The following RPS6KA2 variants were observed in gnomAD, a reference collection of about 807,000 sequenced individuals.
The protein encoded by RPS6KA2 is ribosomal protein S6 kinase alpha-2.
RPS6KA2 carries 42 observed loss-of-function variants against 91.8 expected under a neutral mutation model. That is an observed-to-expected ratio of 0.46 (90% CI 0.36 to 0.59). The LOEUF is 0.59. Ranked by LOEUF, RPS6KA2 falls within the 20% of genes least tolerant of loss-of-function variation. The probability of loss-of-function intolerance (pLI) is 0.00; values close to 1 mark genes in which losing one functional copy is unlikely to be tolerated. For missense variants in RPS6KA2, 798 were observed against 978.5 expected (o/e 0.82, Z 2.46); for synonymous variants, 414 against 393.6 (o/e 1.05, Z -0.61).
In RPS6KA2 at chr6:166,770,518, G is replaced by A. The variant is rs547260906; in HGVS notation, c.123+87682C>T. 2.0e-5 allele frequency among the ~76,000 whole-genome samples: 3 copies of A among 152,280 alleles called. No individual in the cohort carries two copies. Among genetic ancestry groups the A allele is most frequent in the East Asian group, 3.9e-4 (2 of 5,188 alleles). On this transcript the variant is annotated intron_variant, in intron 2 of 21. Transcript: ENST00000503859. The surrounding 1 kb of genome is among the most constrained non-coding windows in gnomAD (Gnocchi z 5.1). ...TTTCAGCTTATTTTGAAGGCACGTC[G>A]TAGTTTTAAAAGGAATATTGGACAT...
chr6:166,487,087 C>T (rs1460433007), intron 10 of RPS6KA2, among the ~76,000 whole-genome samples: 6 of 152,200 alleles, frequency 3.9e-5, no homozygotes, highest in South Asian at 2.1e-4. Context: ...CGGCAAACAC[C>T]GTTTATTTGT....
chr6:166,733,244 A>G lies in RPS6KA2; in HGVS notation c.123+124956T>C, dbSNP rs1027833508. 6.6e-6 allele frequency among the ~76,000 whole-genome samples: 1 copy of G among 152,238 alleles called. No homozygotes were observed. The highest frequency in any genetic ancestry group is 1.5e-5 in the Non-Finnish European group (1 of 68,046). ...AAGCCTAATAGCCTTAGGCTGCAAG[A>G]GTCCTGTGGACGGCACTGTTCCCAA... On this transcript the variant is annotated intron_variant, in intron 2 of 21. Transcript: ENST00000503859. The surrounding 1 kb of genome is among the most constrained non-coding windows in gnomAD (Gnocchi z 4.1).
At chr6:166,416,145 C>T (rs201114580) in intron 19 of RPS6KA2, among the ~76,000 whole-genome samples, 2,572 of 126,816 alleles carry the variant, frequency 0.02, no homozygotes, top group Non-Finnish European at 0.021. Flanking sequence ...CCATCACCCT[C>T]ACCATCATCT....
rs771775967 is a variant in RPS6KA2, at chr6:166,546,893, G to A, written c.100-8109C>T. On this transcript the variant is annotated intron_variant, in intron 1 of 20. Coordinates refer to ENST00000265678, the MANE Select transcript of RPS6KA2 (RefSeq NM_021135.6). Reference sequence around the variant, plus strand: ...TGTAAAGAAAACGCACATCCCAAGAGTGCCCAGCTGTTGGGAACGCTGAGC... The same window carrying A: ...TGTAAAGAAAACGCACATCCCAAGAATGCCCAGCTGTTGGGAACGCTGAGC... 5.3e-5 allele frequency among the ~76,000 whole-genome samples: 8 copies of A among 152,142 alleles called. No individual in the cohort carries two copies. The South Asian group carries it at 8.3e-4, about 16-fold the overall frequency.
intron 2 of RPS6KA2, among the ~76,000 whole-genome samples, chr6:166,670,263 TG>T (rs2128560642): frequency 6.6e-6 from 1 of 152,334 alleles, no homozygotes; most frequent in East Asian, 1.9e-4. Context: ...GAGAGGTCCA[TG>T]TGGTGAGGCT....
intron 2 of RPS6KA2, among the ~76,000 whole-genome samples, chr6:166,764,361 G>A (rs1008899385): frequency 4.9e-4 from 75 of 152,196 alleles, no homozygotes; most frequent in African/African-American, 1.7e-3. Flanking sequence ...CAGGGTGGCC[G>A]AGGAGCAGGG....
chr6:166,741,307 C>A (rs1790808294), intron 2 of RPS6KA2, among the ~76,000 whole-genome samples: 1 of 152,140 alleles, frequency 6.6e-6, no homozygotes, highest in South Asian at 2.1e-4. Flanking sequence ...GTGGTGGGTG[C>A]CACTGAGAGC....
At chr6:166,642,198 G>T (rs1349739425) in intron 2 of RPS6KA2, among the ~76,000 whole-genome samples, 1 of 152,114 alleles carries the variant, frequency 6.6e-6, no homozygotes, top group Non-Finnish European at 1.5e-5. Context: ...GTTAATTACT[G>T]TCAGCTACCA....
chr6:166,752,638 C>T lies in RPS6KA2; in HGVS notation c.123+105562G>A, dbSNP rs61462117. Among the ~76,000 whole-genome samples the T allele has an allele frequency of 3.9e-5, 6 of 152,178 alleles. No homozygotes were observed. In the East Asian group the frequency reaches 1.2e-3, roughly 29 times the overall value. On this transcript the variant is annotated intron_variant, in intron 2 of 21. Transcript: ENST00000503859. ...TGGTGTTAGAGATCATTTACTCAAA[C>T]CCTTGTATTTTAAAAGAAAGAAAGA... is the stretch of plus-strand genomic sequence containing the variant.
At chr6:166,677,349 C>T (rs1049741339) in intron 2 of RPS6KA2, among the ~76,000 whole-genome samples, 5 of 151,294 alleles carry the variant, frequency 3.3e-5, no homozygotes, top group South Asian at 2.1e-4. Flanking sequence ...AAATAAGAAA[C>T]GTGTTCATAT....
chr6:166,707,566 T>C (rs1339178901), intron 2 of RPS6KA2, among the ~76,000 whole-genome samples: 6 of 152,052 alleles, frequency 3.9e-5, no homozygotes, highest in African/African-American at 1.2e-4. Flanking sequence ...ATGACAGTAA[T>C]GGAAGGAGTG....
chr6:166,689,694 G>A lies in RPS6KA2; in HGVS notation c.124-150910C>T, dbSNP rs141153250. ...ATCTCAGACAGCTGTTTGAAGCCTC[G>A]GGCATTTTAATAAATGTCCCCCTAT... On this transcript the variant is annotated intron_variant, in intron 2 of 21. Transcript: ENST00000503859. Among the ~76,000 whole-genome samples, 685 of 152,190 alleles carry A rather than the reference G, an allele frequency of 4.5e-3. 7 individuals are homozygous for A. Among genetic ancestry groups the A allele is most frequent in the African/African-American group, 0.016 (660 of 41,516 alleles).
At chr6:166,742,146 A>G (rs578252606) in intron 2 of RPS6KA2, among the ~76,000 whole-genome samples, 3 of 152,286 alleles carry the variant, frequency 2.0e-5, no homozygotes, top group Admixed American at 1.3e-4. Context: ...AACAAAAAAC[A>G]AAACAAAAAA....
At chr6:166,604,348 T>C (rs1446545045) in intron 1 of RPS6KA2, among the ~76,000 whole-genome samples, 1 of 152,210 alleles carries the variant, frequency 6.6e-6, no homozygotes, top group East Asian at 1.9e-4. Context: ...ATAGGTTTGC[T>C]TATATGATCT....
At chr6:166,766,796 G>A (rs142267347) in intron 2 of RPS6KA2, among the ~76,000 whole-genome samples, 332 of 152,350 alleles carry the variant, frequency 2.2e-3, no homozygotes, top group Middle Eastern at 0.014. Flanking sequence ...GGTTGTTTGG[G>A]GCTGGAACGC....
At chr6:166,839,184 G>A (rs1354288417) in intron 2 of RPS6KA2, among the ~76,000 whole-genome samples, 1 of 152,234 alleles carries the variant, frequency 6.6e-6, no homozygotes, top group African/African-American at 2.4e-5. Flanking sequence ...CCCGCTGGGG[G>A]ACCCGCGCGT....
chr6:166,708,077 C>A (rs1249708869), intron 2 of RPS6KA2, among the ~76,000 whole-genome samples: 1 of 152,022 alleles, frequency 6.6e-6, no homozygotes, highest in Admixed American at 6.5e-5. Context: ...ATTGTACAAC[C>A]ACAGAAAAAA....
At chr6:166,744,014 G>A (rs867440690) in intron 2 of RPS6KA2, among the ~76,000 whole-genome samples, 1 of 152,128 alleles carries the variant, frequency 6.6e-6, no homozygotes, top group Non-Finnish European at 1.5e-5. Context: ...GTCAACCACC[G>A]AGTGCAGTGC....
intron 1 of RPS6KA2, among the ~76,000 whole-genome samples, chr6:166,621,793 G>T (rs541861491): frequency 6.6e-6 from 1 of 152,198 alleles, no homozygotes; most frequent in African/African-American, 2.4e-5. Context: ...CTCCCTGAAG[G>T]TCCCCAAGGC....
Sources: allele counts gnomAD v4.1 joint callset (sites outside exome capture counted in the v4.1 genomes callset), GRCh38; gene constraint gnomAD v4.1.1; non-coding constraint Gnocchi (gnomAD v3.1); transcripts MANE v1.5; gene names NCBI Gene and HGNC (gene_info 2026-07-23, HGNC 2026-07-21).